The following TBXAS1 variants were observed in gnomAD, a reference collection of about 807,000 sequenced individuals.
TBXAS1 encodes the protein thromboxane A synthase 1.
Under a neutral mutation model 60.7 loss-of-function variants are expected in TBXAS1, and 48 were observed. The observed-to-expected ratio is 0.79, with a 90% CI of 0.63 to 1.01. The LOEUF (loss-of-function observed/expected upper bound fraction) is 1.01. TBXAS1 is among the 50% of genes least tolerant of loss of function. The pLI, the probability that TBXAS1 is intolerant of heterozygous loss-of-function variation, is 0.00. For synonymous variants in TBXAS1, 287 were observed against 269.7 expected (o/e 1.06, Z -0.63); for missense variants, 685 against 686.3 (o/e 1.00, Z 0.02).
chr7:139,790,862 G>T (rs1366223827), intron 4 of TBXAS1, among the ~76,000 whole-genome samples: 1 of 152,188 alleles, frequency 6.6e-6, no homozygotes, highest in Admixed American at 6.5e-5. Context: ...GAGTGCAGTG[G>T]TGCAATCTTG....
At chr7:139,834,700 A>G (rs540675125) in intron 1 of TBXAS1, among the ~76,000 whole-genome samples, 1 of 152,318 alleles carries the variant, frequency 6.6e-6, no homozygotes, top group East Asian at 1.9e-4. Flanking sequence ...ACCTTTACGC[A>G]CATAAACTAA....
intron 9 of TBXAS1, among the ~76,000 whole-genome samples, chr7:139,967,002 C>A (rs978350002): frequency 4.6e-5 from 7 of 152,168 alleles, no homozygotes; most frequent in Admixed American, 6.5e-5. Context: ...AGATGCAAGA[C>A]GTATTCGGAG....
At chr7:139,976,230 G>A (rs1811553234) in intron 9 of TBXAS1, among the ~76,000 whole-genome samples, 1 of 152,188 alleles carries the variant, frequency 6.6e-6, no homozygotes, top group South Asian at 2.1e-4. Context: ...TCTGTCAGGG[G>A]CCAGGCTTGA....
intron 9 of TBXAS1, among the ~76,000 whole-genome samples, chr7:139,981,637 G>A (rs1412880121): frequency 1.2e-4 from 18 of 152,242 alleles, no homozygotes; most frequent in Admixed American, 1.2e-3. Context: ...GAAAGGCAGA[G>A]ACAGTCTCCC....
intron 4 of TBXAS1, among the ~76,000 whole-genome samples, chr7:139,807,087 C>T (rs961522031): frequency 6.6e-6 from 1 of 152,238 alleles, no homozygotes; most frequent in African/African-American, 2.4e-5. Flanking sequence ...TGCAGTCCAA[C>T]TGCCCTCCCT....
Position 139,829,323 on chromosome 7 carries a change from C to A in TBXAS1, c.-68C>A. On this transcript the variant is annotated 5_prime_UTR_variant, in exon 1 of 13. Transcript: ENST00000448866. Reference sequence around the variant, plus strand: ...TTTTCTACCTGCAGAGCACGGTTCCCATAAGGGCGGCGAGATCAGCCTCCT... The same window carrying A: ...TTTTCTACCTGCAGAGCACGGTTCCAATAAGGGCGGCGAGATCAGCCTCCT... 1 of 1,479,084 alleles carries A rather than the reference C, an allele frequency of 6.8e-7. No individual in the cohort carries two copies. The highest frequency in any genetic ancestry group is 1.8e-5 in the Admixed American group (1 of 54,438). The allele number at this position is 1,479,084 out of a possible 1,614,324, so 91.6% of individuals were successfully genotyped here.
At chr7:139,955,837 G>A (rs181691109) in intron 7 of TBXAS1, among the ~76,000 whole-genome samples, 26 of 152,312 alleles carry the variant, frequency 1.7e-4, no homozygotes, top group Non-Finnish European at 2.8e-4. Context: ...TGGCCCCACC[G>A]CCATGGTGAG....
At chr7:139,914,854 AT>A (rs917303995) in intron 4 of TBXAS1, among the ~76,000 whole-genome samples, 5 of 151,922 alleles carry the variant, frequency 3.3e-5, no homozygotes, top group South Asian at 2.1e-4. Context: ...TGTATCTTGT[AT>A]TTTTTTTAAA....
chr7:139,956,523 G>A (rs745799895), intron 7 of TBXAS1, among the ~76,000 whole-genome samples: 63 of 152,334 alleles, frequency 4.1e-4, no homozygotes, highest in Admixed American at 5.2e-4. Context: ...TAGGAGCATT[G>A]ACGTGTTGTT....
At chr7:139,870,103 T>C (rs868250912) in intron 1 of TBXAS1, among the ~76,000 whole-genome samples, 1 of 152,206 alleles carries the variant, frequency 6.6e-6, no homozygotes, top group Non-Finnish European at 1.5e-5. Flanking sequence ...AGTTCCAGAT[T>C]TGAGTCGAGG....
chr7:139,855,771 G>A (rs1030277712), intron 1 of TBXAS1, among the ~76,000 whole-genome samples: 20 of 152,120 alleles, frequency 1.3e-4, no homozygotes, highest in African/African-American at 4.8e-4. Context: ...CTGCCCCTGT[G>A]GTCAACCAGA....
chr7:139,881,819 G>C (rs1481597093), intron 3 of TBXAS1, among the ~76,000 whole-genome samples: 1 of 152,188 alleles, frequency 6.6e-6, no homozygotes, highest in Non-Finnish European at 1.5e-5. Context: ...ACAGGAGGGG[G>C]AGGTGTCTCA....
At chr7:139,939,113 C>T (rs1203886070) in intron 5 of TBXAS1, among the ~76,000 whole-genome samples, 1 of 152,134 alleles carries the variant, frequency 6.6e-6, no homozygotes, top group Non-Finnish European at 1.5e-5. Flanking sequence ...GCCTGTAATC[C>T]CAGCACTTTG....
At chr7:139,875,957 C>T in intron 3 of TBXAS1, 1 of 418,952 alleles carries the variant, frequency 2.4e-6, no homozygotes, top group Admixed American at 3.6e-5. Context: ...GTGGTGGCCT[C>T]TTTGCCTCAG....
At chr7:140,009,885 G>C (rs116112205) in intron 10 of TBXAS1, among the ~76,000 whole-genome samples, 2 of 10,948 alleles carry the variant, frequency 1.8e-4, no homozygotes, top group African/African-American at 9.1e-4. Context: ...CTCCATGCCC[G>C]CCCCACACCT....
chr7:139,786,777 G>A (rs1057114561), intron 3 of TBXAS1, among the ~76,000 whole-genome samples: 1 of 152,118 alleles, frequency 6.6e-6, no homozygotes, highest in African/African-American at 2.4e-5. Flanking sequence ...TGAGATAAAA[G>A]GTAAAACTTG....
In TBXAS1 at chr7:139,962,317, A is replaced by G. The variant is rs1290685657; in HGVS notation, c.1134+84A>G. The G allele has an allele frequency of 2.7e-6, 4 of 1,489,910 alleles. No individual in the cohort carries two copies. In the Admixed American group the frequency reaches 5.3e-5, roughly 20 times the overall value. The allele number at this position is 1,489,910 out of a possible 1,614,324, so 92.3% of individuals were successfully genotyped here. A position where few individuals can be genotyped will look rare whatever the true frequency, so the allele number is the denominator to read the frequency against. On this transcript the variant is annotated intron_variant, in intron 9 of 12. Transcript: ENST00000448866. ...TTTGTGGGAGTGAAACTTATTTTTA[A>G]TGACTTGCTAATATCACATTCTAAG...
intron 9 of TBXAS1, among the ~76,000 whole-genome samples, chr7:139,984,616 G>GAAAGAA (rs146808695): frequency 1.2e-3 from 70 of 56,590 alleles, no homozygotes; most frequent in African/African-American, 6.9e-3. Context: ...AAGAAAGAAA[G>GAAAGAA]AGAGAGAGAG....
intron 4 of TBXAS1, among the ~76,000 whole-genome samples, chr7:139,915,490 G>A (rs1805896643): frequency 6.6e-6 from 1 of 152,248 alleles, no homozygotes; most frequent in Non-Finnish European, 1.5e-5. Flanking sequence ...GATAAATTAA[G>A]TGAAAAGGAA....
Sources: allele counts gnomAD v4.1 joint callset (sites outside exome capture counted in the v4.1 genomes callset), GRCh38; gene constraint gnomAD v4.1.1; transcripts MANE v1.5; gene names NCBI Gene and HGNC (gene_info 2026-07-23, HGNC 2026-07-21).